The following UST variants were observed in gnomAD, a reference collection of about 807,000 sequenced individuals.
UST encodes chondroitin sulfate 2-O-sulfotransferase.
In UST, 21 loss-of-function variants were observed where a neutral mutation model predicts 45.6. That is an observed-to-expected ratio of 0.46 (90% CI 0.33 to 0.66). The LOEUF (loss-of-function observed/expected upper bound fraction) is 0.66, where lower values mean the gene tolerates loss of function less well. Ranked by LOEUF, UST falls within the 30% of genes least tolerant of loss-of-function variation. The pLI, the probability that UST is intolerant of heterozygous loss-of-function variation, is 0.02. For synonymous variants in UST, 215 were observed against 200.6 expected (o/e 1.07, Z -0.61); for missense variants, 463 against 512.4 (o/e 0.90, Z 0.93).
At chr6:148,946,514 A>G (rs1780240645) in intron 3 of UST, among the ~76,000 whole-genome samples, 1 of 140,680 alleles carries the variant, frequency 7.1e-6, no homozygotes, top group African/African-American at 2.6e-5. Context: ...CCATCTCAAA[A>G]AAAAAAAAAA....
At chr6:148,800,913 TATCTA>T (rs1777047861) in intron 1 of UST, among the ~76,000 whole-genome samples, 1 of 152,192 alleles carries the variant, frequency 6.6e-6, no homozygotes, top group African/African-American at 2.4e-5. Context: ...ATATTTAAAT[TATCTA>T]AGAAAGATAT....
intron 2 of UST, among the ~76,000 whole-genome samples, chr6:148,936,780 C>T (rs978099141): frequency 2.6e-5 from 4 of 152,144 alleles, no homozygotes; most frequent in Non-Finnish European, 5.9e-5. Flanking sequence ...ACTGCAATCT[C>T]TGCCTCTCGG....
intron 1 of UST, 25 bp from the exon 2 acceptor site, chr6:148,886,961 A>AT (rs1198594748): frequency 6.2e-7 from 1 of 1,603,842 alleles, no homozygotes; most frequent in Non-Finnish European, 8.5e-7. Flanking sequence ...AAACGGATTC[A>AT]TCAACTTTTT....
chr6:148,875,259 C>T (rs987006991), intron 1 of UST, among the ~76,000 whole-genome samples: 7 of 152,128 alleles, frequency 4.6e-5, no homozygotes, highest in Non-Finnish European at 1.0e-4. Flanking sequence ...TCTGCTAATG[C>T]AAGGCTTCAG....
intron 5 of UST, among the ~76,000 whole-genome samples, chr6:148,993,933 A>ACC (rs1781401260): frequency 7.8e-6 from 1 of 128,878 alleles, no homozygotes; most frequent in Admixed American, 8.1e-5. Flanking sequence ...CTTATAAATT[A>ACC]CCCAGTCTTG....
chr6:149,007,651 T>G (rs1349503573), intron 5 of UST, among the ~76,000 whole-genome samples: 1 of 151,236 alleles, frequency 6.6e-6, no homozygotes, highest in Admixed American at 6.6e-5. Context: ...CTTGAACTCC[T>G]GACCTCAGGT....
chr6:148,811,930 G>A (rs577205283), intron 1 of UST, among the ~76,000 whole-genome samples: 4 of 152,302 alleles, frequency 2.6e-5, no homozygotes, highest in East Asian at 1.9e-4. Flanking sequence ...TAAAATCTCC[G>A]TTAATCTACC....
chr6:149,017,115 C>T (rs1346164893), intron 5 of UST, among the ~76,000 whole-genome samples: 3 of 152,206 alleles, frequency 2.0e-5, no homozygotes, highest in Non-Finnish European at 2.9e-5. Flanking sequence ...CAGTGGCTCA[C>T]GCCTGTAATC....
intron 2 of UST, among the ~76,000 whole-genome samples, chr6:148,890,157 G>A (rs1369429539): frequency 6.6e-6 from 1 of 152,172 alleles, no homozygotes; most frequent in Non-Finnish European, 1.5e-5. Flanking sequence ...GTAGCCATAA[G>A]AAGAAGAATA....
chr6:148,818,128 CG>C (rs1777389053), intron 1 of UST, among the ~76,000 whole-genome samples: 1 of 152,064 alleles, frequency 6.6e-6, no homozygotes, highest in Non-Finnish European at 1.5e-5. Context: ...GCTAGTCTGT[CG>C]GAAGTCTGTC....
intron 1 of UST, among the ~76,000 whole-genome samples, chr6:148,816,203 T>C (rs1230009137): frequency 1.1e-4 from 17 of 152,180 alleles, no homozygotes; most frequent in Admixed American, 1.1e-3. Flanking sequence ...AGCAAACCAA[T>C]GTTTTGTAAT....
chr6:148,953,390 T>G (rs1780405402), intron 3 of UST, among the ~76,000 whole-genome samples: 1 of 152,174 alleles, frequency 6.6e-6, no homozygotes, highest in Admixed American at 6.5e-5. Context: ...GGACTATCAA[T>G]TTGGATAGCA....
chr6:148,777,318 A>C (rs1256496033), intron 1 of UST, among the ~76,000 whole-genome samples: 3 of 152,252 alleles, frequency 2.0e-5, no homozygotes, highest in African/African-American at 7.2e-5. Flanking sequence ...ATAAGATTTA[A>C]TTGAATTATG....
chr6:148,795,173 T>G (rs547839275), intron 1 of UST, among the ~76,000 whole-genome samples: 17 of 152,256 alleles, frequency 1.1e-4, no homozygotes, highest in Non-Finnish European at 2.4e-4. Context: ...TTCAAAACTT[T>G]ACAAAGCTGT....
At chr6:149,002,821 A>G (rs1442153587) in intron 5 of UST, among the ~76,000 whole-genome samples, 2 of 152,236 alleles carry the variant, frequency 1.3e-5, no homozygotes, top group Admixed American at 6.5e-5. Context: ...GACACATTTT[A>G]ATATAAGGCA....
rs1775923478 is a variant in UST at position 148,748,456 on chromosome 6, T to A, written c.247+779T>A. 7.3e-6 allele frequency among the ~76,000 whole-genome samples: 1 copy of A among 137,530 alleles called. No individual in the cohort carries two copies. Among genetic ancestry groups the A allele is most frequent in the Non-Finnish European group, 1.6e-5 (1 of 63,964 alleles). 90.2% of individuals were successfully genotyped at this position (137,530 alleles called of 152,430 possible). A position where few individuals can be genotyped will look rare whatever the true frequency, so the allele number is the denominator to read the frequency against. ...GTGTGTGTGTGTGTGTGTGTGTGGT[T>A]TATTAGGAGAGAGGCCGCCTGTCTT... On this transcript the variant is annotated intron_variant, in intron 1 of 7. Coordinates refer to ENST00000367463, the MANE Select transcript of UST (RefSeq NM_005715.3). This position sits in a 1 kb window ranked among gnomAD's most constrained non-coding sequence, Gnocchi z 5.3.
intron 7 of UST, among the ~76,000 whole-genome samples, chr6:149,036,192 T>C: frequency 6.6e-6 from 1 of 152,218 alleles, no homozygotes; most frequent in Non-Finnish European, 1.5e-5. Flanking sequence ...TGGAGGGAAC[T>C]GGGGTCCCAG....
At chr6:148,818,370 T>C (rs534766980) in intron 1 of UST, among the ~76,000 whole-genome samples, 3 of 152,316 alleles carry the variant, frequency 2.0e-5, no homozygotes, top group South Asian at 2.1e-4. Flanking sequence ...TCACTTTTCA[T>C]TGGAAGTAGA....
At chr6:149,061,491 G>T (rs963794292) in intron 7 of UST, among the ~76,000 whole-genome samples, 1 of 152,200 alleles carries the variant, frequency 6.6e-6, no homozygotes, top group East Asian at 1.9e-4. Context: ...GCCCAGTCTT[G>T]CATGCAGACA....
Sources: gnomAD v4.1 joint callset for allele counts (sites outside exome capture counted in the v4.1 genomes callset) on GRCh38, gnomAD v4.1.1 for gene constraint, Gnocchi (gnomAD v3.1) non-coding constraint, MANE v1.5 for transcripts, NCBI Gene and HGNC (gene_info 2026-07-23, HGNC 2026-07-21) for gene names.